ANKRD6: variants seen among roughly 807,000 people sequenced by gnomAD.
ANKRD6 encodes the protein ankyrin repeat domain 6.
Under a neutral mutation model 82.3 loss-of-function variants are expected in ANKRD6, and 56 were observed. The ratio of observed to expected loss-of-function variants is 0.68; its 90% CI spans 0.55 to 0.85. ANKRD6 has a LOEUF of 0.85. Among genes scored for constraint, ANKRD6 ranks in the 40% least tolerant of loss-of-function variants. The pLI, the probability that ANKRD6 is intolerant of heterozygous loss-of-function variation, is 0.00. For missense variants in ANKRD6, 852 were observed against 907.6 expected, an observed-to-expected ratio of 0.94 and a Z score of 0.79; for synonymous variants, 347 against 352.1, an observed-to-expected ratio of 0.99 and a Z score of 0.16.
intron 13 of ANKRD6, among the ~76,000 whole-genome samples, chr6:89,625,121 A>G (rs1236583800): frequency 6.6e-6 from 1 of 152,092 alleles, no homozygotes; most frequent in African/African-American, 2.4e-5. Flanking sequence ...CGCCTCTTCT[A>G]AAAATACAAA....
rs895231608 is a variant in ANKRD6 at position 89,591,593 on chromosome 6, G to A, written c.121-4323G>A. Among the ~76,000 whole-genome samples the A allele has an allele frequency of 6.6e-5, 10 of 152,256 alleles. No homozygotes were observed. In the East Asian group the frequency reaches 7.7e-4, roughly 12 times the overall value. On this transcript the variant is annotated intron_variant, in intron 2 of 15. Coordinates refer to ENST00000339746, the MANE Select transcript of ANKRD6 (RefSeq NM_001242809.2). The stretch of plus-strand genomic sequence containing the variant: ...GGGGTTCCAGCTTTTCCCATTAGTC[G>A]GACATGCCTGGGGGCATTCCTATGT...
At chr6:89,488,592 C>G (rs1001791193) in intron 1 of ANKRD6, among the ~76,000 whole-genome samples, 2 of 152,198 alleles carry the variant, frequency 1.3e-5, no homozygotes. Flanking sequence ...TCTGAAAATA[C>G]ATTTTAGGCC....
intron 1 of ANKRD6, among the ~76,000 whole-genome samples, chr6:89,511,164 C>T (rs1780502379): frequency 6.6e-6 from 1 of 152,174 alleles, no homozygotes; most frequent in African/African-American, 2.4e-5. Context: ...AGCCCGATTC[C>T]TCTTCCTCCG....
At chr6:89,515,313 TC>T (rs1386517766) in intron 1 of ANKRD6, among the ~76,000 whole-genome samples, 1 of 152,202 alleles carries the variant, frequency 6.6e-6, no homozygotes, top group Non-Finnish European at 1.5e-5. Context: ...TGCTTGCAAA[TC>T]AGCAAATGCC....
chr6:89,524,314 C>T (rs1457635171), intron 1 of ANKRD6, among the ~76,000 whole-genome samples: 3 of 152,130 alleles, frequency 2.0e-5, no homozygotes, highest in Non-Finnish European at 4.4e-5. Context: ...CCCACCTTCC[C>T]CTGAGTCCCC....
At position 89,567,022 on chromosome 6, in the gene ANKRD6, G is replaced by A. The variant is rs536168606; in HGVS notation, c.46G>A (p.Val16Ile). ...CGCTGCACTTTCAGAGCGCCTTCTCGTAGCTGCGTACAAAGGCCAAACAGA... is the reference window on the plus strand; with the variant it reads ...CGCTGCACTTTCAGAGCGCCTTCTCATAGCTGCGTACAAAGGCCAAACAGA... ...AVAALSERLL[V>I]AAYKGQTENV... The change falls in exon 2 of 16, where the codon GTA becomes ATA. Residue 16 changes from valine (V) to isoleucine (I), a missense_variant. Transcript: ENST00000339746. 18 of 1,606,270 alleles carry A rather than the reference G, an allele frequency of 1.1e-5. No individual in the cohort carries two copies. Among genetic ancestry groups the A allele is most frequent in the Admixed American group, 3.4e-5 (2 of 59,156 alleles).
chr6:89,513,146 C>G (rs184304303), intron 1 of ANKRD6, among the ~76,000 whole-genome samples: 1 of 152,310 alleles, frequency 6.6e-6, no homozygotes, highest in African/African-American at 2.4e-5. Context: ...AGGCTGGTCT[C>G]AAACTCCTCA....
intron 7 of ANKRD6, 199 bp from the exon 8 acceptor site, chr6:89,616,360 G>A (rs1399679910): frequency 1.7e-6 from 1 of 579,064 alleles, no homozygotes; most frequent in Non-Finnish European, 3.1e-6. Flanking sequence ...CAGAAAGAAA[G>A]GTGATATTGG....
intron 1 of ANKRD6, among the ~76,000 whole-genome samples, chr6:89,554,732 G>T (rs1032821416): frequency 6.6e-6 from 1 of 152,176 alleles, no homozygotes; most frequent in Non-Finnish European, 1.5e-5. Context: ...CAGCCCCTGT[G>T]CTGGAGAAGC....
chr6:89,477,155 A>C (rs946926094), intron 1 of ANKRD6, among the ~76,000 whole-genome samples: 1 of 152,158 alleles, frequency 6.6e-6, no homozygotes, highest in African/African-American at 2.4e-5. Context: ...CGTATTAGCC[A>C]GGATGGTCTC....
intron 15 of ANKRD6, 34 bp from the exon 16 acceptor site, chr6:89,630,398 AT>A: frequency 6.3e-7 from 1 of 1,582,658 alleles, no homozygotes; most frequent in Non-Finnish European, 8.6e-7. Context: ...GTGAATGTGG[AT>A]TTGCTCTCAC....
chr6:89,564,536 T>C (rs991815955), intron 1 of ANKRD6, among the ~76,000 whole-genome samples: 2 of 152,112 alleles, frequency 1.3e-5, no homozygotes, highest in African/African-American at 4.8e-5. Flanking sequence ...ATTCATTGCA[T>C]GGGACTGGAG....
chr6:89,577,362 A>C (rs1439662978), intron 2 of ANKRD6, among the ~76,000 whole-genome samples: 2 of 152,114 alleles, frequency 1.3e-5, no homozygotes, highest in African/African-American at 4.8e-5. Context: ...ATACTAAAAC[A>C]AAAAAATGGG....
chr6:89,624,181 G>T, intron 12 of ANKRD6, 124 bp downstream of exon 12: 1 of 1,191,724 alleles, frequency 8.4e-7, no homozygotes. Flanking sequence ...AGCTTTGAAG[G>T]TAAGCCAGAT....
At chr6:89,630,113 A>G (rs1057277442) in intron 15 of ANKRD6, among the ~76,000 whole-genome samples, 1 of 152,180 alleles carries the variant, frequency 6.6e-6, no homozygotes, top group Non-Finnish European at 1.5e-5. Flanking sequence ...AGGCATCAGG[A>G]AACAGGACCA....
intron 2 of ANKRD6, among the ~76,000 whole-genome samples, chr6:89,583,705 A>G (rs1357634124): frequency 6.6e-6 from 1 of 152,264 alleles, no homozygotes; most frequent in Non-Finnish European, 1.5e-5. Flanking sequence ...GAGTCTAGGT[A>G]AGAGTTCATC....
chr6:89,517,456 C>T (rs972280846), intron 1 of ANKRD6, among the ~76,000 whole-genome samples: 2 of 152,088 alleles, frequency 1.3e-5, no homozygotes, highest in African/African-American at 4.8e-5. Context: ...ACTCAAGAAA[C>T]TCATTTGATG....
At chr6:89,520,741 G>T (rs1047267132) in intron 1 of ANKRD6, among the ~76,000 whole-genome samples, 6 of 152,248 alleles carry the variant, frequency 3.9e-5, no homozygotes, top group African/African-American at 1.4e-4. Flanking sequence ...TATGATAGTA[G>T]TTGCTGTTTG....
chr6:89,520,114 C>G (rs550865407), intron 1 of ANKRD6, among the ~76,000 whole-genome samples: 1 of 152,242 alleles, frequency 6.6e-6, no homozygotes, highest in South Asian at 2.1e-4. Flanking sequence ...CTCCCACATA[C>G]TTGGGACTAC....
Sources: allele counts gnomAD v4.1 joint callset (sites outside exome capture counted in the v4.1 genomes callset), GRCh38; gene constraint gnomAD v4.1.1; transcripts MANE v1.5; gene names NCBI Gene and HGNC (gene_info 2026-07-23, HGNC 2026-07-21).